Variants in SLC25A32 observed in about 807,000 individuals in gnomAD.
The protein encoded by SLC25A32 is Glycine auxotroph B, complementation of hamster.
Under a neutral mutation model 39.0 loss-of-function variants are expected in SLC25A32, and 32 were observed. That is an observed-to-expected ratio of 0.82 (90% CI 0.62 to 1.10). The LOEUF (loss-of-function observed/expected upper bound fraction) is 1.10. Ranked by LOEUF, SLC25A32 falls within the 50% of genes least tolerant of loss-of-function variation. The pLI is 0.00. For missense variants in SLC25A32, 367 were observed against 395.3 expected, an observed-to-expected ratio of 0.93 and a Z score of 0.61; for synonymous variants, 166 against 152.4, an observed-to-expected ratio of 1.09 and a Z score of -0.66.
In SLC25A32 at chr8:103,407,761, G is replaced by A. The variant is rs768677616; in HGVS notation, c.178C>T (p.Pro60Ser). The A allele has an allele frequency of 1.2e-6, 2 of 1,613,034 alleles. No homozygotes were observed. Among genetic ancestry groups the A allele is most frequent in the East Asian group, 2.2e-5 (1 of 44,802 alleles). The change falls in exon 2 of 7, where the codon CCG becomes TCG. Residue 60 changes from proline (P) to serine (S), a missense_variant. By Grantham distance (74) the Pro-to-Ser change is moderately conservative. Transcript: ENST00000297578. The part of the protein sequence containing the change: ...FAVSDGLELR[P>S]KYNGILHCLT... ...CAATGTAAAATTCCATTATATTTCG[G>A]TCTCAGTTCCAATCCATCACTCACT... is the stretch of plus-strand genomic sequence containing the variant.
chr8:103,408,152 A>AT (rs1041369790), intron 1 of SLC25A32, among the ~76,000 whole-genome samples: 116 of 140,634 alleles, frequency 8.2e-4, no homozygotes, highest in Middle Eastern at 3.6e-3. Context: ...TAATTTTTGT[A>AT]TTTTTTTTTT....
intron 2 of SLC25A32, among the ~76,000 whole-genome samples, chr8:103,407,414 A>G (rs1816356045): frequency 6.6e-6 from 1 of 152,208 alleles, no homozygotes; most frequent in African/African-American, 2.4e-5. Context: ...ATAGCTAATA[A>G]GCCATTAGCT....
chr8:103,401,345 CAG>C, intron 6 of SLC25A32, 169 bp downstream of exon 6: 1 of 480,284 alleles, frequency 2.1e-6, no homozygotes, highest in East Asian at 3.3e-5. Flanking sequence ...AATTAAGTCT[CAG>C]AGAGATTAAG....
chr8:103,410,797 C>T lies in SLC25A32; in HGVS notation c.155-3013G>A, dbSNP rs900704913. On this transcript the variant is annotated intron_variant, in intron 1 of 6. Coordinates refer to ENST00000297578, the MANE Select transcript of SLC25A32 (RefSeq NM_030780.5). ...AAAAGTTTGGTGTACAGAAAGGAGCCAAGACAGGACACTAATTTTAAATTC... is the reference window on the plus strand; with the variant it reads ...AAAAGTTTGGTGTACAGAAAGGAGCTAAGACAGGACACTAATTTTAAATTC... Among the ~76,000 whole-genome samples the T allele has an allele frequency of 5.3e-5, 8 of 152,182 alleles. No individual in the cohort carries two copies. In the Middle Eastern group the frequency reaches 0.01, roughly 194 times the overall value.
Position 103,403,309 on chromosome 8 carries a change from C to A in SLC25A32, c.407G>T (p.Cys136Phe), listed in dbSNP as rs1355155048. The A allele has an allele frequency of 1.2e-6, 2 of 1,606,440 alleles. No homozygotes were observed. Among genetic ancestry groups the A allele is most frequent in the Non-Finnish European group, 1.7e-6 (2 of 1,177,412 alleles). ...TGTTACCCATAATGGGTTTGTAATG[C>A]AGAGGGTCATGGCTCCTAAAATGAG... ...SAAEAGAMTL[C>F]ITNPLWVTKT... The change falls in exon 4 of 7, where the codon TGC becomes TTC. Residue 136 changes from cysteine to phenylalanine, a missense_variant. Cys to Phe is a radical substitution (Grantham distance 205). Coordinates refer to ENST00000297578, the MANE Select transcript of SLC25A32 (RefSeq NM_030780.5).
At position 103,403,793 on chromosome 8, in the gene SLC25A32, T is replaced by C. The variant is rs147119462; in HGVS notation, c.392-469A>G. 7.3e-3 allele frequency among the ~76,000 whole-genome samples: 1,106 copies of C among 152,300 alleles called. 39 individuals carry two copies. The highest frequency in any genetic ancestry group is 0.06 in the Admixed American group (911 of 15,290). On this transcript the variant is annotated intron_variant, in intron 3 of 6. Transcript: ENST00000297578. ...TATATCTACCCCAACTTTATCACAA[T>C]CTTCCTCAAATCCAAAGTAACTACT...
rs529957433 is a variant in SLC25A32, at chr8:103,398,751, G to A, written c.*1660C>T. ...ATCAACTGCAGTTCACTTTTTCCGT[G>A]TGGGGACTAATATCAAGATTTCATA... is the stretch of plus-strand genomic sequence containing the variant. On this transcript the variant is annotated 3_prime_UTR_variant, in exon 7 of 7. Coordinates refer to ENST00000297578, the MANE Select transcript of SLC25A32 (RefSeq NM_030780.5). The A allele has an allele frequency of 1.1e-4, 16 of 152,264 alleles. No individual in the cohort carries two copies. The East Asian group carries it at 3.1e-3, about 29-fold the overall frequency. 9.4% of individuals were successfully genotyped at this position (152,264 alleles called of 1,614,324 possible).
chr8:103,406,235 G>A (rs1298819244), intron 2 of SLC25A32, among the ~76,000 whole-genome samples: 1 of 151,892 alleles, frequency 6.6e-6, no homozygotes, highest in African/African-American at 2.4e-5. Flanking sequence ...CAATTTTAAG[G>A]CTGAATTTTA....
chr8:103,408,568 G>C (rs2130449434), intron 1 of SLC25A32, among the ~76,000 whole-genome samples: 1 of 152,230 alleles, frequency 6.6e-6, no homozygotes, highest in South Asian at 2.1e-4. Flanking sequence ...GCAGAGGATG[G>C]GGTAAACTTT....
At position 103,404,772 on chromosome 8, in the gene SLC25A32, T is replaced by C; in HGVS notation, c.391+4A>G. ...ACATTTTTATATTTCACACATTGCC[T>C]TACCAGCTTCAGCAGCTGAGACAAG... On this transcript the variant is annotated splice_donor_region_variant and intron_variant, in intron 3 of 6. Transcript: ENST00000297578. 1 of 1,606,916 alleles carries C rather than the reference T, an allele frequency of 6.2e-7. No homozygotes were observed. The highest frequency in any genetic ancestry group is 8.5e-7 in the Non-Finnish European group (1 of 1,174,438).
At position 103,404,557 on chromosome 8, in the gene SLC25A32, C is replaced by T. The variant is rs1865854; in HGVS notation, c.391+219G>A. On this transcript the variant is annotated intron_variant, in intron 3 of 6. Coordinates refer to ENST00000297578, the MANE Select transcript of SLC25A32 (RefSeq NM_030780.5). ...TTGCAGTGAGCCGAGATAGCGCCAC[C>T]GCACTCCAGCCTGGGCGACAAGAGC... 0.23 allele frequency among the ~76,000 whole-genome samples: 34,707 copies of T among 151,480 alleles called. 4,099 individuals carry two copies. The highest frequency in any genetic ancestry group is 0.34 in the East Asian group (1,766 of 5,148).
Position 103,400,155 on chromosome 8 carries a change from TCTATC to T in SLC25A32, c.*251_*255del. The T allele has an allele frequency of 4.4e-6, 2 of 458,828 alleles. No individual in the cohort carries two copies. Among genetic ancestry groups the T allele is most frequent in the Non-Finnish European group, 7.7e-6 (2 of 259,092 alleles). 28.4% of individuals were successfully genotyped at this position (458,828 alleles called of 1,614,324 possible). A position where few individuals can be genotyped will look rare whatever the true frequency, so the allele number is the denominator to read the frequency against. ...AATAAAACGTAGAAATCTGTGAAAC[TCTATC>T]CTTCGTGTCAGTTTTAACATTGTGT... On this transcript the variant is annotated 3_prime_UTR_variant, in exon 7 of 7. Transcript: ENST00000297578.
chr8:103,407,962 T>A (rs1816371253), intron 1 of SLC25A32, among the ~76,000 whole-genome samples, 178 bp from the exon 2 acceptor site: 1 of 147,434 alleles, frequency 6.8e-6, no homozygotes, highest in South Asian at 2.1e-4. Context: ...TATATAAATA[T>A]ATATATATAT....
intron 1 of SLC25A32, among the ~76,000 whole-genome samples, chr8:103,410,867 C>G (rs1338807571): frequency 6.6e-6 from 1 of 152,136 alleles, no homozygotes; most frequent in Non-Finnish European, 1.5e-5. Context: ...AAATTATCAT[C>G]TAGCACTATC....
At position 103,401,930 on chromosome 8, in the gene SLC25A32, A is replaced by C. The variant is rs1353864283; in HGVS notation, c.666+11T>G. The C allele has an allele frequency of 6.3e-7, 1 of 1,591,662 alleles. No individual in the cohort carries two copies. The highest frequency in any genetic ancestry group is 1.8e-5 in the Admixed American group (1 of 56,516). Reference sequence around the variant, plus strand: ...AAGGAAATGATATCATTTTTACAAGAATAATCTTACCAACTGGGCTTCTGG... The same window carrying C: ...AAGGAAATGATATCATTTTTACAAGCATAATCTTACCAACTGGGCTTCTGG... On this transcript the variant is annotated intron_variant, in intron 5 of 6. Transcript: ENST00000297578.
At chr8:103,407,230 TA>T (rs1328786942) in intron 2 of SLC25A32, among the ~76,000 whole-genome samples, 1 of 152,224 alleles carries the variant, frequency 6.6e-6, no homozygotes, top group African/African-American at 2.4e-5. Flanking sequence ...TGGCTTTAAC[TA>T]AAATAAAAAG....
chr8:103,403,453 G>T (rs1816263581), intron 3 of SLC25A32, 129 bp from the exon 4 acceptor site: 1 of 549,956 alleles, frequency 1.8e-6, no homozygotes, highest in Non-Finnish European at 3.0e-6. Flanking sequence ...GACCATATCT[G>T]AAACTGTGAA....
chr8:103,404,595 C>CA (rs869207177), intron 3 of SLC25A32, among the ~76,000 whole-genome samples, 181 bp downstream of exon 3: 113 of 129,836 alleles, frequency 8.7e-4, no homozygotes, highest in Middle Eastern at 4.0e-3. Flanking sequence ...AACTCCGCCT[C>CA]AAAAAAAAAA....
chr8:103,402,244 T>G (rs1816234395), intron 4 of SLC25A32, 190 bp from the exon 5 acceptor site: 3 of 448,862 alleles, frequency 6.7e-6, no homozygotes, highest in African/African-American at 4.1e-5. Flanking sequence ...TCTCTTCTAC[T>G]TTATTTTTAA....
Sources: allele counts gnomAD v4.1 joint callset (sites outside exome capture counted in the v4.1 genomes callset), GRCh38; gene constraint gnomAD v4.1.1; transcripts MANE v1.5; gene names NCBI Gene and HGNC (gene_info 2026-07-23, HGNC 2026-07-21).